The following ZNF714 variants were observed in gnomAD, a reference collection of about 807,000 sequenced individuals.
The protein encoded by ZNF714 is zinc finger protein 714.
In ZNF714, 32 loss-of-function variants were observed where a neutral mutation model predicts 46.2. The observed-to-expected ratio is 0.69, with a 90% confidence interval of 0.52 to 0.93. The LOEUF is 0.93. ZNF714 is among the 40% of genes least tolerant of loss of function. The pLI, the probability that ZNF714 is intolerant of heterozygous loss-of-function variation, is 0.00. For missense variants in ZNF714, 635 were observed against 646.3 expected, an observed-to-expected ratio of 0.98 and a Z score of 0.19; for synonymous variants, 199 against 213.1, an observed-to-expected ratio of 0.93 and a Z score of 0.58.
intron 2 of ZNF714, among the ~76,000 whole-genome samples, chr19:21,094,181 G>C (rs1320307048): frequency 6.6e-6 from 1 of 152,114 alleles, no homozygotes; most frequent in East Asian, 1.9e-4. Flanking sequence ...AGTAGAGATG[G>C]TGTTTTGCCA....
intron 2 of ZNF714, among the ~76,000 whole-genome samples, chr19:21,087,995 A>G (rs549113245): frequency 7.7e-4 from 117 of 152,324 alleles, no homozygotes; most frequent in African/African-American, 2.5e-3. Flanking sequence ...ATTACGTACT[A>G]GGCGTGGAGT....
chr19:21,123,480 G>C lies in ZNF714; in HGVS notation c.*5148G>C, dbSNP rs1006504807. 6.6e-6 allele frequency among the ~76,000 whole-genome samples: 1 copy of C among 151,542 alleles called. No individual in the cohort carries two copies. Among genetic ancestry groups the C allele is most frequent in the African/African-American group, 2.4e-5 (1 of 41,220 alleles). On this transcript the variant is annotated 3_prime_UTR_variant, in exon 5 of 5. Transcript: ENST00000456283. ...CGCCATTCTCCCGCCTCAGCCTCCC[G>C]AGTAGCTGGGACTACAGGCGCCCGC...
chr19:21,099,017 A>G, intron 4 of ZNF714, 107 bp downstream of exon 4: 1 of 637,522 alleles, frequency 1.6e-6, no homozygotes, highest in Non-Finnish European at 2.6e-6. Flanking sequence ...CTGTTTTGCA[A>G]AGTATATAGT....
intron 4 of ZNF714, among the ~76,000 whole-genome samples, chr19:21,106,726 T>C (rs1280471003): frequency 6.6e-6 from 1 of 152,232 alleles, no homozygotes; most frequent in East Asian, 1.9e-4. Flanking sequence ...TGTAATCATA[T>C]ACAGAAGGCT....
intron 2 of ZNF714, among the ~76,000 whole-genome samples, chr19:21,088,655 A>G (rs1178703171): frequency 1.3e-5 from 2 of 152,218 alleles, no homozygotes; most frequent in Non-Finnish European, 2.9e-5. Context: ...TTCTGACAAA[A>G]TATTTGATTT....
In ZNF714 at chr19:21,124,299, CTCT is replaced by C. The variant is rs1233365856; in HGVS notation, c.*5969_*5971del. On this transcript the variant is annotated 3_prime_UTR_variant, in exon 5 of 5. Transcript: ENST00000456283. ...TTCTATAACATTTTGAAAATATTTT[CTCT>C]TGACAGATAAAAATGTGTACTTTTT... is the stretch of plus-strand genomic sequence containing the variant. 6.6e-6 allele frequency: 1 copy of C among 152,102 alleles called. No homozygotes were observed. The highest frequency in any genetic ancestry group is 2.4e-5 in the African/African-American group (1 of 41,412). The allele number at this position is 152,102 out of a possible 1,614,324, so 9.4% of individuals were successfully genotyped here. A position where few individuals can be genotyped will look rare whatever the true frequency, so the allele number is the denominator to read the frequency against.
chr19:21,112,816 A>ATTTTTTTTTTTTGTT (rs1969482966), intron 4 of ZNF714, among the ~76,000 whole-genome samples: 1 of 43,210 alleles, frequency 2.3e-5, no homozygotes. Context: ...TTTATTTCTG[A>ATTTTTTTTTTTTGTT]TTTTTTTTTT....
chr19:21,090,462 A>C (rs1465346537), intron 2 of ZNF714, among the ~76,000 whole-genome samples: 1 of 152,170 alleles, frequency 6.6e-6, no homozygotes, highest in Admixed American at 6.5e-5. Flanking sequence ...TGCAAGACAG[A>C]TTAATCCAAA....
chr19:21,098,980 C>G, intron 4 of ZNF714, 70 bp downstream of exon 4: 1 of 884,464 alleles, frequency 1.1e-6, no homozygotes, highest in Non-Finnish European at 1.7e-6. Context: ...AAAAAGCAAG[C>G]CGGCCCTTAC....
intron 4 of ZNF714, among the ~76,000 whole-genome samples, chr19:21,106,601 A>G (rs1264763706): frequency 6.6e-6 from 1 of 151,308 alleles, no homozygotes; most frequent in Non-Finnish European, 1.5e-5. Context: ...TTTTTTGTAT[A>G]TGGTTCAAGG....
rs1216951630 is a variant in ZNF714 at position 21,117,830 on chromosome 19, T to C, written c.1166T>C (p.Ile389Thr). 1.2e-6 allele frequency: 2 copies of C among 1,611,828 alleles called. No individual in the cohort carries two copies. Among genetic ancestry groups the C allele is most frequent in the East Asian group, 2.2e-5 (1 of 44,824 alleles). ...TCCTCAAAACTTACTATACATAAGA[T>C]AATTCATACTGGAGAGAAACCTTAC... ...NHSSKLTIHK[I>T]IHTGEKPYKC... The change falls in exon 5 of 5, where the codon ATA becomes ACA. Residue 389 changes from isoleucine (I) to threonine (T), a missense_variant. By Grantham distance (89) the Ile-to-Thr change is moderately conservative. Coordinates refer to ENST00000456283, the MANE Select transcript of ZNF714 (RefSeq NM_182515.4).
At position 21,121,530 on chromosome 19, in the gene ZNF714, C is replaced by A. The variant is rs1969703348; in HGVS notation, c.*3198C>A. 6.6e-6 allele frequency: 1 copy of A among 152,066 alleles called. No homozygotes were observed. Among genetic ancestry groups the A allele is most frequent in the South Asian group, 2.1e-4 (1 of 4,834 alleles). The allele number at this position is 152,066 out of a possible 1,614,324, so 9.4% of individuals were successfully genotyped here. On this transcript the variant is annotated 3_prime_UTR_variant, in exon 5 of 5. Transcript: ENST00000456283. ...TGTGGCCTGTCTGCCTGCAAACATG[C>A]AGACTTTTTGATTCACATAGAGTTA... is the stretch of plus-strand genomic sequence containing the variant.
chr19:21,114,898 C>T (rs910965829), intron 4 of ZNF714, among the ~76,000 whole-genome samples: 6 of 152,018 alleles, frequency 3.9e-5, no homozygotes, highest in African/African-American at 4.8e-5. Context: ...TATTTTTCTC[C>T]AGTTACAAAG....
chr19:21,083,483 TCC>T (rs568069805), intron 1 of ZNF714, among the ~76,000 whole-genome samples: 177 of 152,192 alleles, frequency 1.2e-3, no homozygotes, highest in African/African-American at 4.1e-3. Flanking sequence ...TAACCTCCCG[TCC>T]CCCATATCTC....
intron 4 of ZNF714, among the ~76,000 whole-genome samples, chr19:21,115,578 A>G (rs1371050636): frequency 2.6e-5 from 4 of 151,688 alleles, no homozygotes; most frequent in Admixed American, 2.6e-4. Flanking sequence ...TGGCTATATC[A>G]CAGTTTCCTT....
Position 21,117,894 on chromosome 19 carries a change from A to G in ZNF714, c.1230A>G (p.Ser410=). ...GTGGCAAAGCTTTTAACCAATCCTC[A>G]AACCTTACCAAACATAAGATAATTC... ...EECGKAFNQS[S]NLTKHKIIHT... Residue 410 remains serine, a synonymous_variant, in exon 5 of 5, where the codon TCA becomes TCG. Transcript: ENST00000456283. The G allele has an allele frequency of 1.2e-6, 2 of 1,613,026 alleles. No homozygotes were observed. The highest frequency in any genetic ancestry group is 1.7e-6 in the Non-Finnish European group (2 of 1,179,858).
intron 2 of ZNF714, among the ~76,000 whole-genome samples, chr19:21,087,914 G>A (rs1212854188): frequency 5.9e-5 from 9 of 152,170 alleles, no homozygotes; most frequent in Non-Finnish European, 1.2e-4. Flanking sequence ...AGTAGTCAAA[G>A]TTACATGTTA....
intron 2 of ZNF714, among the ~76,000 whole-genome samples, chr19:21,093,568 G>A (rs1180018543): frequency 6.6e-6 from 1 of 151,606 alleles, no homozygotes; most frequent in Non-Finnish European, 1.5e-5. Context: ...TTTTTTATTG[G>A]CCACATAATC....
At chr19:21,098,144 C>T in intron 2 of ZNF714, 41 bp from the exon 3 acceptor site, 1 of 1,555,428 alleles carries the variant, frequency 6.4e-7, no homozygotes, top group South Asian at 1.2e-5. Flanking sequence ...CCCATGGCCA[C>T]TTGGTAAATA....
Sources: allele counts gnomAD v4.1 joint callset (sites outside exome capture counted in the v4.1 genomes callset), GRCh38; gene constraint gnomAD v4.1.1; transcripts MANE v1.5; gene names NCBI Gene and HGNC (gene_info 2026-07-23, HGNC 2026-07-21).